Variants in FHIT observed in about 807,000 individuals in gnomAD.
FHIT encodes fragile histidine triad diadenosine triphosphatase.
Under a neutral mutation model 17.9 loss-of-function variants are expected in FHIT, and 19 were observed. The observed-to-expected ratio is 1.06, with a 90% CI of 0.74 to 1.56. FHIT has a LOEUF of 1.56. Among genes scored for constraint, FHIT ranks in the 40% most tolerant of loss-of-function variants. The pLI, the probability that FHIT is intolerant of heterozygous loss-of-function variation, is 0.00. For synonymous variants in FHIT, 81 were observed against 69.7 expected (o/e 1.16, Z -0.81); for missense variants, 248 against 189.2 (o/e 1.31, Z -1.82).
intron 2 of FHIT, among the ~76,000 whole-genome samples, chr3:61,046,298 T>C (rs2033784318): frequency 6.6e-6 from 1 of 151,986 alleles, no homozygotes; most frequent in Non-Finnish European, 1.5e-5. Context: ...TAAAAAATGA[T>C]AAAAGGGATA....
At chr3:60,252,217 A>T (rs911150651) in intron 5 of FHIT, among the ~76,000 whole-genome samples, 1 of 152,184 alleles carries the variant, frequency 6.6e-6, no homozygotes, top group African/African-American at 2.4e-5. Flanking sequence ...ACGAGAGGAA[A>T]TAAAGTCTAC....
chr3:60,100,277 G>T (rs1042773012), intron 5 of FHIT, among the ~76,000 whole-genome samples: 1 of 152,010 alleles, frequency 6.6e-6, no homozygotes, highest in Non-Finnish European at 1.5e-5. Flanking sequence ...CCAGCTACTC[G>T]GGAGGCTGAG....
chr3:61,211,217 A>C (rs1444903626), intron 1 of FHIT, among the ~76,000 whole-genome samples: 4 of 151,876 alleles, frequency 2.6e-5, no homozygotes, highest in Non-Finnish European at 5.9e-5. Flanking sequence ...CTCACTCGGG[A>C]AGTGCAAGGG....
At chr3:59,801,132 A>G (rs1699977077) in intron 8 of FHIT, among the ~76,000 whole-genome samples, 1 of 152,192 alleles carries the variant, frequency 6.6e-6, no homozygotes, top group South Asian at 2.1e-4. Flanking sequence ...ATGACCCAAC[A>G]TTTATTGAGC....
At chr3:59,814,574 C>A (rs1700528037) in intron 8 of FHIT, among the ~76,000 whole-genome samples, 1 of 152,098 alleles carries the variant, frequency 6.6e-6, no homozygotes, top group South Asian at 2.1e-4. Flanking sequence ...AATTTGAGAC[C>A]CTTTATAATT....
At chr3:60,442,949 T>C (rs2031021914) in intron 5 of FHIT, among the ~76,000 whole-genome samples, 1 of 152,168 alleles carries the variant, frequency 6.6e-6, no homozygotes, top group Admixed American at 6.5e-5. Flanking sequence ...TTTATTTCAT[T>C]GAGCAGTGGT....
chr3:61,053,356 C>T (rs1575922957), intron 2 of FHIT, among the ~76,000 whole-genome samples: 1 of 152,036 alleles, frequency 6.6e-6, no homozygotes, highest in Non-Finnish European at 1.5e-5. Context: ...ATTCTTGGGG[C>T]TTTTTAAAAA....
intron 5 of FHIT, among the ~76,000 whole-genome samples, chr3:60,256,415 T>C (rs1254586476): frequency 6.6e-6 from 1 of 152,214 alleles, no homozygotes; most frequent in African/African-American, 2.4e-5. Flanking sequence ...CAATAAATAT[T>C]TGTTGTTTCT....
chr3:60,123,909 C>G (rs967525560), intron 5 of FHIT, among the ~76,000 whole-genome samples: 15 of 142,266 alleles, frequency 1.1e-4, no homozygotes, highest in South Asian at 9.1e-4. Context: ...TGAGTATATT[C>G]CTATCCACGA....
rs547183700 is a variant in FHIT, at chr3:60,140,851, T to C, written c.104-126699A>G. 2.0e-5 allele frequency among the ~76,000 whole-genome samples: 3 copies of C among 152,252 alleles called. No homozygotes were observed. The South Asian group carries it at 6.2e-4, about 32-fold the overall frequency. Reference sequence around the variant, plus strand: ...CCTCGGCCTTCCAAAGTGCTGGGATTACAGGCGTGAGCCAATGCGCCCAGC... The same window carrying C: ...CCTCGGCCTTCCAAAGTGCTGGGATCACAGGCGTGAGCCAATGCGCCCAGC... On this transcript the variant is annotated intron_variant, in intron 5 of 9. Coordinates refer to ENST00000492590, the MANE Select transcript of FHIT (RefSeq NM_002012.4).
intron 8 of FHIT, among the ~76,000 whole-genome samples, chr3:59,821,350 C>T (rs553895999): frequency 6.6e-6 from 1 of 152,262 alleles, no homozygotes; most frequent in African/African-American, 2.4e-5. Context: ...GGGCTCATGT[C>T]GGGGTAAAGA....
chr3:60,679,083 G>A (rs2040689111), intron 4 of FHIT, among the ~76,000 whole-genome samples: 2 of 152,074 alleles, frequency 1.3e-5, no homozygotes, highest in Non-Finnish European at 2.9e-5. Flanking sequence ...TAGGGACTGT[G>A]CTAGGCTTCT....
chr3:60,317,512 G>A (rs1709216696), intron 5 of FHIT, among the ~76,000 whole-genome samples: 1 of 150,376 alleles, frequency 6.6e-6, no homozygotes, highest in African/African-American at 2.4e-5. Flanking sequence ...TTTGTGTTGG[G>A]TGGATCCTCA....
intron 4 of FHIT, among the ~76,000 whole-genome samples, chr3:60,678,479 C>T (rs1214131456): frequency 2.0e-5 from 3 of 152,246 alleles, no homozygotes; most frequent in Non-Finnish European, 4.4e-5. Context: ...TTATATATCG[C>T]TGTTCAATAG....
At position 60,611,849 on chromosome 3, in the gene FHIT, T is replaced by C. The variant is rs72887684; in HGVS notation, c.-17-74870A>G. 9.9e-3 allele frequency among the ~76,000 whole-genome samples: 1,510 copies of C among 152,302 alleles called. 33 individuals are homozygous for C. The highest frequency in any genetic ancestry group is 0.035 in the African/African-American group (1,443 of 41,564). On this transcript the variant is annotated intron_variant, in intron 4 of 9. Coordinates refer to ENST00000492590, the MANE Select transcript of FHIT (RefSeq NM_002012.4). ...TTGTTCTACCCACATGTCACAGATA[T>C]GGAGGTTAGTGAAAACTACCTGTGT... is the stretch of plus-strand genomic sequence containing the variant.
At chr3:60,470,689 T>C (rs2033043207) in intron 5 of FHIT, among the ~76,000 whole-genome samples, 1 of 152,054 alleles carries the variant, frequency 6.6e-6, no homozygotes, top group Non-Finnish European at 1.5e-5. Flanking sequence ...AGGAGCCCAC[T>C]TGATCCTCTG....
intron 5 of FHIT, among the ~76,000 whole-genome samples, chr3:60,393,904 C>G (rs1004353415): frequency 1.3e-5 from 2 of 152,180 alleles, no homozygotes; most frequent in African/African-American, 4.8e-5. Context: ...CCACCCTGCT[C>G]TGCGTTCAGT....
At chr3:60,907,874 T>C (rs1706519314) in intron 3 of FHIT, among the ~76,000 whole-genome samples, 1 of 152,214 alleles carries the variant, frequency 6.6e-6, no homozygotes, top group South Asian at 2.1e-4. Context: ...AATAACTCTA[T>C]GTGATTGATA....
chr3:61,125,524 A>G (rs917522052), intron 2 of FHIT, among the ~76,000 whole-genome samples: 8 of 152,240 alleles, frequency 5.3e-5, no homozygotes, highest in African/African-American at 1.9e-4. Flanking sequence ...GGCAGGTAGC[A>G]GGAACTCTCT....
Sources: allele counts gnomAD v4.1 joint callset (sites outside exome capture counted in the v4.1 genomes callset), GRCh38; gene constraint gnomAD v4.1.1; transcripts MANE v1.5; gene names NCBI Gene and HGNC (gene_info 2026-07-23, HGNC 2026-07-21).